STC1: variants seen among roughly 807,000 people sequenced by gnomAD.
STC1 encodes stanniocalcin-1.
STC1 carries 7 observed loss-of-function variants against 22.6 expected under a neutral mutation model. The ratio of observed to expected loss-of-function variants is 0.31; its 90% CI spans 0.18 to 0.58. STC1 has a LOEUF of 0.58. Ranked by LOEUF, STC1 falls within the 20% of genes least tolerant of loss-of-function variation. The probability of loss-of-function intolerance (pLI) is 0.89; values close to 1 mark genes in which losing one functional copy is unlikely to be tolerated. For missense variants in STC1, 224 were observed against 311.0 expected, an observed-to-expected ratio of 0.72 and a Z score of 2.10; for synonymous variants, 113 against 120.7, an observed-to-expected ratio of 0.94 and a Z score of 0.42.
chr8:23,852,168 G>C, intron 2 of STC1, 74 bp downstream of exon 2: 1 of 1,595,974 alleles, frequency 6.3e-7, no homozygotes, highest in Non-Finnish European at 8.6e-7. Flanking sequence ...TACAAGACTG[G>C]TTCCTAAGAA....
chr8:23,852,359 A>G lies in STC1; in HGVS notation c.144T>C (p.Ser48=). 1 of 1,608,556 alleles carries G rather than the reference A, an allele frequency of 6.2e-7. No individual in the cohort carries two copies. Among genetic ancestry groups the G allele is most frequent in the Non-Finnish European group, 8.5e-7 (1 of 1,177,780 alleles). ...AAGCCCCGCAGCCGACCTGTAGAGC[A>G]CTGTTGAGGCAACGAACCACTTCAG... ...NSAEVVRCLN[S]ALQVGCGAFA... Residue 48 remains serine, a synonymous_variant, in exon 2 of 4, where the codon AGT becomes AGC. Transcript: ENST00000290271.
chr8:23,845,473 T>C (rs1201600200), intron 3 of STC1, among the ~76,000 whole-genome samples: 1 of 152,134 alleles, frequency 6.6e-6, no homozygotes, highest in Non-Finnish European at 1.5e-5. Flanking sequence ...ATCACTGAGA[T>C]TAGTAGCCAT....
intron 1 of STC1, among the ~76,000 whole-genome samples, chr8:23,853,527 G>A (rs141077287): frequency 1.3e-5 from 2 of 152,262 alleles, no homozygotes; most frequent in East Asian, 1.9e-4. Context: ...TCTTCCAAGG[G>A]GATCATCATC....
In STC1 at chr8:23,844,870, C is replaced by T. The variant is rs565287295; in HGVS notation, c.644G>A (p.Arg215His). The T allele has an allele frequency of 3.1e-6, 5 of 1,614,052 alleles. No individual in the cohort carries two copies. Among genetic ancestry groups the T allele is most frequent in the African/African-American group, 2.7e-5 (2 of 75,004 alleles). Residue 215 changes from arginine (R) to histidine (H), a missense_variant, in exon 4 of 4, where the codon CGC (arginine) becomes CAC (histidine). Arg to His is a conservative substitution (Grantham distance 29). Coordinates refer to ENST00000290271, the MANE Select transcript of STC1 (RefSeq NM_003155.3). ...THPRADFNRR[R>H]TNEPQKLKVL... ...TTTCAGCTTCTGCGGCTCATTGGTG[C>T]GTCTCCTGTTGAAGTCAGCTCGTGG...
In STC1 at chr8:23,852,385, C is replaced by G; in HGVS notation, c.119-1G>C. On this transcript the variant is annotated splice_acceptor_variant, in intron 1 of 3. Coordinates refer to ENST00000290271, the MANE Select transcript of STC1 (RefSeq NM_003155.3). LOFTEE classifies it high-confidence loss of function. ...CTGTTGAGGCAACGAACCACTTCAGCTGAAAGAGACAAATCCATCCATTCT... is the reference window on the plus strand; with the variant it reads ...CTGTTGAGGCAACGAACCACTTCAGGTGAAAGAGACAAATCCATCCATTCT... 1 of 1,591,254 alleles carries G rather than the reference C, an allele frequency of 6.3e-7. No homozygotes were observed. The highest frequency in any genetic ancestry group is 8.5e-7 in the Non-Finnish European group (1 of 1,169,698).
At chr8:23,847,203 AAG>A (rs1802583426) in intron 3 of STC1, among the ~76,000 whole-genome samples, 1 of 152,226 alleles carries the variant, frequency 6.6e-6, no homozygotes, top group East Asian at 1.9e-4. Flanking sequence ...TGTCTGGACA[AAG>A]AAGTCTAGTA....
Position 23,844,477 on chromosome 8 carries a change from G to A in STC1, c.*293C>T. 2.4e-6 allele frequency: 1 copy of A among 419,436 alleles called. No individual in the cohort carries two copies. Among genetic ancestry groups the A allele is most frequent in the Non-Finnish European group, 4.4e-6 (1 of 229,856 alleles). 26.0% of individuals were successfully genotyped at this position (419,436 alleles called of 1,614,324 possible). A position where few individuals can be genotyped will look rare whatever the true frequency, so the allele number is the denominator to read the frequency against. On this transcript the variant is annotated 3_prime_UTR_variant, in exon 4 of 4. Coordinates refer to ENST00000290271, the MANE Select transcript of STC1 (RefSeq NM_003155.3). ...GTTACATGAATGTTTTGTGTTTGGGGGTGGTCTCAGGGGAGCAGGGGAAAA... is the reference window on the plus strand; with the variant it reads ...GTTACATGAATGTTTTGTGTTTGGGAGTGGTCTCAGGGGAGCAGGGGAAAA...
intron 3 of STC1, among the ~76,000 whole-genome samples, chr8:23,848,944 C>G (rs1802605192): frequency 6.6e-6 from 1 of 152,182 alleles, no homozygotes; most frequent in African/African-American, 2.4e-5. Context: ...GGTTCCCAAG[C>G]CTCGCACCGC....
chr8:23,854,028 A>T, intron 1 of STC1: 1 of 1,042,460 alleles, frequency 9.6e-7, no homozygotes, highest in Middle Eastern at 4.8e-4. Context: ...GGACAGCATC[A>T]AACAAGCCAG....
At position 23,852,526 on chromosome 8, in the gene STC1, C is replaced by A. The variant is rs556862987; in HGVS notation, c.119-142G>T. On this transcript the variant is annotated intron_variant, in intron 1 of 3. Transcript: ENST00000290271. The stretch of plus-strand genomic sequence containing the variant: ...TCTGTCATGAGGGGCAATTGATAGA[C>A]CCATTTGATTGAGAAAGAGAGGATA... The A allele has an allele frequency of 5.2e-5, 43 of 833,388 alleles. 1 individual carries two copies. The South Asian group carries it at 8.0e-4, about 16-fold the overall frequency. 51.6% of individuals were successfully genotyped at this position (833,388 alleles called of 1,614,324 possible). A position where few individuals can be genotyped will look rare whatever the true frequency, so the allele number is the denominator to read the frequency against.
At chr8:23,851,286 C>A (rs1033007635) in intron 3 of STC1, 34 bp downstream of exon 3, 1 of 1,610,696 alleles carries the variant, frequency 6.2e-7, no homozygotes, top group Non-Finnish European at 8.5e-7. Flanking sequence ...TGCTCCCAGT[C>A]CCCTGATTGT....
At chr8:23,851,670 C>T in intron 2 of STC1, 139 bp from the exon 3 acceptor site, 1 of 652,516 alleles carries the variant, frequency 1.5e-6, no homozygotes, top group South Asian at 2.1e-5. Flanking sequence ...GAGAAGATTG[C>T]ATGTCTCGGC....
intron 3 of STC1, among the ~76,000 whole-genome samples, chr8:23,847,781 G>C (rs1802590164): frequency 6.6e-6 from 1 of 152,218 alleles, no homozygotes; most frequent in Admixed American, 6.5e-5. Flanking sequence ...GCACCTTCTT[G>C]TGCTATGGTC....
chr8:23,849,090 T>G (rs1032078556), intron 3 of STC1, among the ~76,000 whole-genome samples: 7 of 152,228 alleles, frequency 4.6e-5, no homozygotes, highest in Admixed American at 4.6e-4. Flanking sequence ...TTGTTCTGGC[T>G]CCTGGTCCAG....
chr8:23,854,767 C>G lies in STC1; in HGVS notation c.-244G>C. The G allele has an allele frequency of 1.6e-6, 1 of 608,292 alleles. No homozygotes were observed. The allele number at this position is 608,292 out of a possible 1,614,324, so 37.7% of individuals were successfully genotyped here. ...GCCACCGCCGCTGCTGCTGCTGCTG[C>G]TGCAGTCGCTGCTTCTTGCACCTCT... is the stretch of plus-strand genomic sequence containing the variant. On this transcript the variant is annotated 5_prime_UTR_variant, in exon 1 of 4. Coordinates refer to ENST00000290271, the MANE Select transcript of STC1 (RefSeq NM_003155.3).
chr8:23,852,431 G>T (rs774308043), intron 1 of STC1, 47 bp from the exon 2 acceptor site: 1 of 1,546,154 alleles, frequency 6.5e-7, no homozygotes. Context: ...GTGAGGAATG[G>T]CTGGGTGGGA....
chr8:23,847,554 G>C (rs1200291706), intron 3 of STC1, among the ~76,000 whole-genome samples: 7 of 152,206 alleles, frequency 4.6e-5, no homozygotes, highest in Non-Finnish European at 8.8e-5. Flanking sequence ...TTCTTCAAAG[G>C]CTGGAAAATT....
At chr8:23,851,061 A>G (rs981843846) in intron 3 of STC1, among the ~76,000 whole-genome samples, 2 of 152,094 alleles carry the variant, frequency 1.3e-5, no homozygotes, top group Admixed American at 1.3e-4. Context: ...GAAAGCACCC[A>G]GGGATGCTGC....
At chr8:23,852,519 T>C in intron 1 of STC1, 135 bp from the exon 2 acceptor site, 2 of 882,164 alleles carry the variant, frequency 2.3e-6, no homozygotes, top group Non-Finnish European at 3.4e-6. Flanking sequence ...GAGGGGCAAT[T>C]GATAGACCCA....
Sources: gnomAD v4.1 joint callset for allele counts (sites outside exome capture counted in the v4.1 genomes callset) on GRCh38, gnomAD v4.1.1 for gene constraint, MANE v1.5 for transcripts, NCBI Gene and HGNC (gene_info 2026-07-23, HGNC 2026-07-21) for gene names.